The following PPP1R9A variants were observed in gnomAD, a reference collection of about 807,000 sequenced individuals.
The protein encoded by PPP1R9A is protein phosphatase 1 regulatory subunit 9A.
A neutral mutation model predicts 141.9 loss-of-function variants in PPP1R9A; 59 were observed. The observed-to-expected ratio is 0.42, with a 90% CI of 0.34 to 0.52. PPP1R9A has a LOEUF of 0.52. Among genes scored for constraint, PPP1R9A ranks in the 20% least tolerant of loss-of-function variants. PPP1R9A has a pLI of 0.10. For synonymous variants in PPP1R9A, 500 were observed against 569.7 expected, an observed-to-expected ratio of 0.88 and a Z score of 1.74; for missense variants, 1,444 against 1,611.9, an observed-to-expected ratio of 0.90 and a Z score of 1.78.
chr7:94,984,359 G>A (rs1230347526), intron 2 of PPP1R9A, among the ~76,000 whole-genome samples: 1 of 152,110 alleles, frequency 6.6e-6, no homozygotes, highest in Non-Finnish European at 1.5e-5. Flanking sequence ...ATGAGTTAGG[G>A]AGAATTCTCT....
chr7:95,046,117 C>A (rs1563162615), intron 2 of PPP1R9A, among the ~76,000 whole-genome samples: 2 of 150,380 alleles, frequency 1.3e-5, no homozygotes, highest in African/African-American at 4.9e-5. Flanking sequence ...CTCGCTCTGC[C>A]GCCCAGGCTG....
chr7:95,185,308 T>C (rs1834475375), intron 5 of PPP1R9A, among the ~76,000 whole-genome samples: 1 of 152,132 alleles, frequency 6.6e-6, no homozygotes, highest in Non-Finnish European at 1.5e-5. Context: ...TTTTCATACA[T>C]TTGTTAGCCA....
At chr7:95,103,357 C>CA (rs1014898370) in intron 2 of PPP1R9A, among the ~76,000 whole-genome samples, 3 of 84,160 alleles carry the variant, frequency 3.6e-5, no homozygotes, top group African/African-American at 1.4e-4. Context: ...GGTTTTTTTT[C>CA]ACTTCTTTTT....
At chr7:95,132,599 G>A (rs1001679606) in intron 4 of PPP1R9A, among the ~76,000 whole-genome samples, 2 of 152,100 alleles carry the variant, frequency 1.3e-5, no homozygotes, top group Non-Finnish European at 2.9e-5. Flanking sequence ...GGAGGATTCC[G>A]GTGTTACATG....
chr7:94,993,892 A>G (rs117172515), intron 2 of PPP1R9A, among the ~76,000 whole-genome samples: 3,448 of 152,264 alleles, frequency 0.023, 38 homozygotes, highest in Non-Finnish European at 0.033. Context: ...CTCCAGCTGA[A>G]TGTTGGATAA....
At chr7:95,221,197 C>A (rs1339565970) in intron 7 of PPP1R9A, among the ~76,000 whole-genome samples, 2 of 152,120 alleles carry the variant, frequency 1.3e-5, no homozygotes. Context: ...TGAGCACCTA[C>A]CATGTGCCAG....
At chr7:94,930,974 G>A (rs964654474) in intron 2 of PPP1R9A, among the ~76,000 whole-genome samples, 14 of 152,276 alleles carry the variant, frequency 9.2e-5, no homozygotes, top group African/African-American at 2.9e-4. Flanking sequence ...GACTGTTAGC[G>A]TATCCGTACA....
chr7:95,089,573 A>G (rs956492136), intron 2 of PPP1R9A, among the ~76,000 whole-genome samples: 7 of 152,028 alleles, frequency 4.6e-5, no homozygotes, highest in Non-Finnish European at 8.8e-5. Context: ...TTCTGGGAAG[A>G]TGGCTGCACT....
At position 95,068,902 on chromosome 7, in the gene PPP1R9A, T is replaced by C. The variant is rs189560031; in HGVS notation, c.1396-42357T>C. 6.6e-3 allele frequency among the ~76,000 whole-genome samples: 1,001 copies of C among 152,214 alleles called. 11 individuals are homozygous for C. Among genetic ancestry groups the C allele is most frequent in the African/African-American group, 0.022 (934 of 41,526 alleles). On this transcript the variant is annotated intron_variant, in intron 2 of 19. Coordinates refer to ENST00000433360, the MANE Select transcript of PPP1R9A (RefSeq NM_001166160.2). The stretch of plus-strand genomic sequence containing the variant: ...ATTTCTCAAGACAAGGGAATTACAA[T>C]AGAGAAAGAGTAATTCATGCAGAGC...
intron 4 of PPP1R9A, among the ~76,000 whole-genome samples, chr7:95,147,065 A>G (rs1285710933): frequency 6.6e-6 from 1 of 152,188 alleles, no homozygotes; most frequent in Non-Finnish European, 1.5e-5. Context: ...GAATACATTG[A>G]ATCTGTAAAT....
At chr7:95,212,248 C>T (rs1311352377) in intron 7 of PPP1R9A, among the ~76,000 whole-genome samples, 1 of 151,956 alleles carries the variant, frequency 6.6e-6, no homozygotes, top group Non-Finnish European at 1.5e-5. Flanking sequence ...TTAATATATT[C>T]ATTTAATTTG....
chr7:95,151,584 T>C (rs1276018702), intron 4 of PPP1R9A, among the ~76,000 whole-genome samples: 2 of 152,088 alleles, frequency 1.3e-5, no homozygotes, highest in African/African-American at 4.8e-5. Flanking sequence ...ACCCGTAGAA[T>C]GTGCAATACC....
intron 8 of PPP1R9A, among the ~76,000 whole-genome samples, chr7:95,241,006 A>G (rs1384711935): frequency 1.3e-5 from 2 of 152,140 alleles, no homozygotes; most frequent in Admixed American, 1.3e-4. Context: ...GACTTAGATC[A>G]GGAGGGATAT....
At chr7:95,131,690 T>C (rs1235725225) in intron 4 of PPP1R9A, among the ~76,000 whole-genome samples, 1 of 151,936 alleles carries the variant, frequency 6.6e-6, no homozygotes, top group African/African-American at 2.4e-5. Context: ...TCTATCTGAA[T>C]TTTTAATTTT....
chr7:95,273,088 C>G (rs551942764), intron 14 of PPP1R9A, among the ~76,000 whole-genome samples: 1 of 152,122 alleles, frequency 6.6e-6, no homozygotes, highest in African/African-American at 2.4e-5. Context: ...ACATTGAACT[C>G]CATTTGCAAA....
chr7:95,273,227 A>G (rs974661679), intron 14 of PPP1R9A, among the ~76,000 whole-genome samples: 8 of 152,220 alleles, frequency 5.3e-5, no homozygotes, highest in Non-Finnish European at 7.3e-5. Context: ...CATCTTCCAC[A>G]TTAAGGGGAA....
chr7:95,022,416 A>C (rs1307329551), intron 2 of PPP1R9A, among the ~76,000 whole-genome samples: 1 of 152,178 alleles, frequency 6.6e-6, no homozygotes, highest in African/African-American at 2.4e-5. Flanking sequence ...CAATTATGTC[A>C]TCTGCAAATA....
At chr7:94,909,741 AATG>A (rs1020184308) in intron 1 of PPP1R9A, among the ~76,000 whole-genome samples, 154 bp from the exon 2 acceptor site, 2 of 150,510 alleles carry the variant, frequency 1.3e-5, no homozygotes, top group African/African-American at 2.5e-5. Context: ...GACCAATCAG[AATG>A]ATAACTTTTT....
At chr7:95,089,340 C>A (rs976978787) in intron 2 of PPP1R9A, among the ~76,000 whole-genome samples, 1 of 151,926 alleles carries the variant, frequency 6.6e-6, no homozygotes, top group Non-Finnish European at 1.5e-5. Context: ...TGAAAGGACT[C>A]ATTTTGCTGC....
Sources: gnomAD v4.1 joint callset for allele counts (sites outside exome capture counted in the v4.1 genomes callset) on GRCh38, gnomAD v4.1.1 for gene constraint, MANE v1.5 for transcripts, NCBI Gene and HGNC (gene_info 2026-07-23, HGNC 2026-07-21) for gene names.